EHBP1: variants seen among roughly 807,000 people sequenced by gnomAD.
The protein encoded by EHBP1 is EH domain-binding protein 1.
A neutral mutation model predicts 144.0 loss-of-function variants in EHBP1; 55 were observed. The ratio of observed to expected loss-of-function variants is 0.38; its 90% confidence interval spans 0.31 to 0.48. EHBP1 has a LOEUF of 0.48. EHBP1 is among the 20% of genes least tolerant of loss of function. The pLI, the probability that EHBP1 is intolerant of heterozygous loss-of-function variation, is 0.98. For missense variants in EHBP1, 1,200 were observed against 1,364.2 expected, an observed-to-expected ratio of 0.88 and a Z score of 1.90; for synonymous variants, 469 against 472.7, an observed-to-expected ratio of 0.99 and a Z score of 0.10.
intron 15 of EHBP1, among the ~76,000 whole-genome samples, chr2:62,984,925 G>A (rs2059123989): frequency 6.6e-6 from 1 of 152,142 alleles, no homozygotes; most frequent in Admixed American, 6.5e-5. Context: ...GAATCTGAAA[G>A]AACCCATATA....
At chr2:62,879,107 C>T (rs1377046615) in intron 10 of EHBP1, among the ~76,000 whole-genome samples, 1 of 151,432 alleles carries the variant, frequency 6.6e-6, no homozygotes, top group African/African-American at 2.4e-5. Flanking sequence ...ATGTTAAAAA[C>T]CCTTAACAAA....
chr2:62,842,537 T>TA (rs2047984424), intron 7 of EHBP1, among the ~76,000 whole-genome samples: 1 of 152,180 alleles, frequency 6.6e-6, no homozygotes, highest in African/African-American at 2.4e-5. Context: ...ATTCAGACCG[T>TA]AATATACCTA....
intron 5 of EHBP1, among the ~76,000 whole-genome samples, chr2:62,807,603 G>A (rs965941143): frequency 1.3e-5 from 2 of 151,972 alleles, no homozygotes; most frequent in Admixed American, 1.3e-4. Flanking sequence ...TTCTCCTTTG[G>A]TGCTCTTCCT....
chr2:62,999,689 A>G (rs1050680519), intron 19 of EHBP1, among the ~76,000 whole-genome samples: 2 of 152,166 alleles, frequency 1.3e-5, no homozygotes, highest in African/African-American at 2.4e-5. Context: ...ATAATATTCT[A>G]TTGTATGTTT....
chr2:62,683,466 T>C lies in EHBP1; in HGVS notation c.-296+9383T>C, dbSNP rs992521853. Among the ~76,000 whole-genome samples the C allele has an allele frequency of 1.7e-4, 26 of 152,116 alleles. 1 individual carries two copies. The highest frequency in any genetic ancestry group is 1.5e-3 in the Admixed American group (23 of 15,274). On this transcript the variant is annotated intron_variant, in intron 1 of 22. Coordinates refer to the EHBP1 transcript ENST00000405015. Reference sequence around the variant, plus strand: ...CGAGGTCAGGAGATCGAGACCATCCTGGCTAACACGGTGAAACCCCACCTG... The same window carrying C: ...CGAGGTCAGGAGATCGAGACCATCCCGGCTAACACGGTGAAACCCCACCTG...
intron 3 of EHBP1, among the ~76,000 whole-genome samples, chr2:62,757,937 A>G (rs985257765): frequency 1.3e-5 from 2 of 151,628 alleles, no homozygotes; most frequent in African/African-American, 2.4e-5. Flanking sequence ...GCGTGAACCC[A>G]GGAGGCGGAG....
At chr2:62,711,321 T>A (rs2035128788) in intron 2 of EHBP1, among the ~76,000 whole-genome samples, 1 of 152,186 alleles carries the variant, frequency 6.6e-6, no homozygotes, top group Non-Finnish European at 1.5e-5. Flanking sequence ...TAGCAGGACT[T>A]ACTGATGGAT....
rs138572425 is a variant in EHBP1 at position 62,910,110 on chromosome 2, A to G, written c.1186-32608A>G. Among the ~76,000 whole-genome samples, 16 of 152,284 alleles carry G rather than the reference A, an allele frequency of 1.1e-4. No individual in the cohort carries two copies. In the East Asian group the frequency reaches 2.3e-3, roughly 22 times the overall value. ...AGTATCCCCTACTCTAGGTGATTTG[A>G]TGGCCAGCATATTTGGGAAGTACTA... On this transcript the variant is annotated intron_variant, in intron 10 of 22. Transcript: ENST00000431489.
In EHBP1 at chr2:62,964,450, A is replaced by G. The variant is rs538552941; in HGVS notation, c.2460+8790A>G. On this transcript the variant is annotated intron_variant, in intron 14 of 22. Coordinates refer to ENST00000431489, the MANE Select transcript of EHBP1 (RefSeq NM_001142616.3). ...ATTTTGTTATTGCTCAGCATGCACA[A>G]GAGTTTAAATCTTTATTCATTTCAT... Among the ~76,000 whole-genome samples the G allele has an allele frequency of 2.0e-5, 3 of 152,346 alleles. No homozygotes were observed. In the South Asian group the frequency reaches 6.2e-4, roughly 32 times the overall value.
intron 4 of EHBP1, 117 bp from the exon 5 acceptor site, chr2:62,771,222 C>T (rs2041633784): frequency 3.5e-6 from 2 of 578,688 alleles, no homozygotes; most frequent in Non-Finnish European, 5.8e-6. Flanking sequence ...TATTCTGCCT[C>T]TCCATTTTTA....
Position 62,707,211 on chromosome 2 carries a change from G to T in EHBP1, c.20G>T (p.Arg7Ile). MASVWK[R>I]LQRVGKHASK... ...ATCATCATGGCTTCAGTTTGGAAGA[G>T]ACTGCAGCGTGTGGGAAAACATGCA... The change falls in exon 2 of 23, where the codon AGA becomes ATA. Residue 7 changes from arginine (R) to isoleucine (I), a missense_variant. Physicochemically the swap from Arg to Ile is moderately conservative, Grantham distance 97. Transcript: ENST00000431489. 2 of 1,614,152 alleles carry T rather than the reference G, an allele frequency of 1.2e-6. No individual in the cohort carries two copies. The highest frequency in any genetic ancestry group is 2.2e-5 in the South Asian group (2 of 91,080).
At chr2:62,787,522 C>G (rs2042900731) in intron 5 of EHBP1, among the ~76,000 whole-genome samples, 1 of 151,778 alleles carries the variant, frequency 6.6e-6, no homozygotes, top group South Asian at 2.1e-4. Flanking sequence ...ATTATAACCA[C>G]TTGATGGCAC....
intron 16 of EHBP1, among the ~76,000 whole-genome samples, chr2:62,991,846 CT>C (rs1437821713): frequency 1.3e-5 from 2 of 152,146 alleles, no homozygotes; most frequent in African/African-American, 4.8e-5. Context: ...AAAACAATGA[CT>C]TTCATTGCTT....
At chr2:62,933,864 G>A (rs2056187089) in intron 10 of EHBP1, among the ~76,000 whole-genome samples, 1 of 152,098 alleles carries the variant, frequency 6.6e-6, no homozygotes, top group South Asian at 2.1e-4. Context: ...ATATATGCAT[G>A]TTTGTACCTG....
chr2:62,874,522 C>A lies in EHBP1; in HGVS notation c.1175C>A (p.Thr392Asn), dbSNP rs1205070896. Residue 392 changes from threonine to asparagine, a missense_variant, in exon 10 of 23, where the codon ACT (threonine) becomes AAT (asparagine). Physicochemically the swap from Thr to Asn is moderately conservative, Grantham distance 65 (BLOSUM62 0). Transcript: ENST00000431489. Reference sequence around the variant, plus strand: ...GTTTCTGCAGGAAAAGATCTCTCTACTTCTCCTAAGGTAGGATTTTATTCA... The same window carrying A: ...GTTTCTGCAGGAAAAGATCTCTCTAATTCTCCTAAGGTAGGATTTTATTCA... ...NTVSAGKDLS[T>N]SPKPSPIPSP... 6.3e-7 allele frequency: 1 copy of A among 1,599,796 alleles called. No homozygotes were observed. The highest frequency in any genetic ancestry group is 2.2e-5 in the East Asian group (1 of 44,690).
chr2:62,835,836 G>C (rs1322456928), intron 7 of EHBP1, among the ~76,000 whole-genome samples: 2 of 152,162 alleles, frequency 1.3e-5, no homozygotes, highest in Admixed American at 1.3e-4. Flanking sequence ...GGCTCGGAGG[G>C]TCCTACGCCC....
intron 21 of EHBP1, among the ~76,000 whole-genome samples, chr2:63,042,337 CAT>C (rs1463157035): frequency 1.3e-5 from 2 of 151,904 alleles, no homozygotes; most frequent in African/African-American, 4.8e-5. Context: ...AGTTTGTGTA[CAT>C]ATATATTATA....
At chr2:62,759,213 C>T (rs2152293689) in intron 3 of EHBP1, among the ~76,000 whole-genome samples, 1 of 152,246 alleles carries the variant, frequency 6.6e-6, no homozygotes, top group East Asian at 1.9e-4. Flanking sequence ...TGTATCCTAA[C>T]TTTTTCTGCC....
At chr2:62,873,704 TAAC>T (rs1390539038) in intron 9 of EHBP1, among the ~76,000 whole-genome samples, 1 of 152,076 alleles carries the variant, frequency 6.6e-6, no homozygotes, top group African/African-American at 2.4e-5. Flanking sequence ...GAGAAGATCT[TAAC>T]AACTACATAG....
Sources: gnomAD v4.1 joint callset for allele counts (sites outside exome capture counted in the v4.1 genomes callset) on GRCh38, gnomAD v4.1.1 for gene constraint, MANE v1.5 for transcripts, NCBI Gene and HGNC (gene_info 2026-07-23, HGNC 2026-07-21) for gene names.